Variants in RGPD3 observed in about 807,000 individuals in gnomAD.
RGPD3 encodes RANBP2 like and GRIP domain containing 3.
In RGPD3, 62 loss-of-function variants were observed where a neutral mutation model predicts 154.5. That is an observed-to-expected ratio of 0.40 (90% CI 0.33 to 0.50). The LOEUF is 0.50. Ranked by LOEUF, RGPD3 falls within the 20% of genes least tolerant of loss-of-function variation. RGPD3 has a pLI of 0.59. For synonymous variants in RGPD3, 308 were observed against 607.0 expected, an observed-to-expected ratio of 0.51 and a Z score of 7.24; for missense variants, 919 against 1,716.8, an observed-to-expected ratio of 0.54 and a Z score of 8.21.
At chr2:106,470,199 C>T (rs979189596), upstream of RGPD3, among the ~76,000 whole-genome samples, 5 of 152,214 alleles carry the variant, frequency 3.3e-5, no homozygotes, top group African/African-American at 9.7e-5. Flanking sequence ...CCTGCCTCAC[C>T]CTACAGACTA....
At chr2:106,420,819 G>C (rs1375182919) in intron 20 of RGPD3, among the ~76,000 whole-genome samples, 1 of 152,232 alleles carries the variant, frequency 6.6e-6, no homozygotes, top group African/African-American at 2.4e-5. Flanking sequence ...TTGTCACCCA[G>C]AGCTGGAGTG....
intron 20 of RGPD3, among the ~76,000 whole-genome samples, chr2:106,422,808 T>C (rs1317508435): frequency 6.6e-6 from 1 of 151,676 alleles, no homozygotes; most frequent in Non-Finnish European, 1.5e-5. Context: ...TCTTTTGCTC[T>C]GCCCTAGCAT....
At chr2:106,434,100 T>C (rs535987002) in intron 15 of RGPD3, 128 bp downstream of exon 15, 721 of 1,511,960 alleles carry the variant, frequency 4.8e-4, no homozygotes, top group Non-Finnish European at 3.3e-4. Flanking sequence ...GACACACACA[T>C]CCCTTCTGTG....
chr2:106,446,380 A>C (rs1677932087), intron 7 of RGPD3, among the ~76,000 whole-genome samples: 1 of 152,252 alleles, frequency 6.6e-6, no homozygotes. Context: ...ATCCTGGCTA[A>C]CATGGTGAAA....
At chr2:106,466,426 C>G in intron 1 of RGPD3, among the ~76,000 whole-genome samples, 1 of 134,530 alleles carries the variant, frequency 7.4e-6, no homozygotes, top group Non-Finnish European at 1.6e-5. Context: ...CCGTCGGGAG[C>G]CATGACGCCT....
chr2:106,412,867 A>C (rs1385660040), intron 22 of RGPD3: 1 of 608,112 alleles, frequency 1.6e-6, no homozygotes, highest in African/African-American at 1.9e-5. Flanking sequence ...CTAAGCACTT[A>C]TTGTATTTTG....
chr2:106,436,250 A>T lies in RGPD3; in HGVS notation c.1635-4T>A, dbSNP rs750846982. On this transcript the variant is annotated splice_region_variant and splice_polypyrimidine_tract_variant and intron_variant, in intron 11 of 22. Coordinates refer to ENST00000409886, the MANE Select transcript of RGPD3 (RefSeq NM_001144013.2). ...CAATTTTGCTGAGTTTCCAGGTCTA[A>T]AAAATAGTTCAATTTACTAAAATTG... 1 of 1,611,928 alleles carries T rather than the reference A, an allele frequency of 6.2e-7. No individual in the cohort carries two copies. The highest frequency in any genetic ancestry group is 2.2e-5 in the East Asian group (1 of 44,862).
At chr2:106,459,355 T>C (rs758676167) in intron 1 of RGPD3, 23 bp from the exon 2 acceptor site, 187 of 1,531,024 alleles carry the variant, frequency 1.2e-4, no homozygotes, top group Non-Finnish European at 1.6e-4. Flanking sequence ...AAAAGTTGTT[T>C]TACGTTTCAT....
Position 106,405,038 on chromosome 2 carries a change from G to A in RGPD3, c.*181C>T. ...TTTAAAATACATCTGTCATATAGAT[G>A]TACAAATATATGTAAATGCAAACAT... On this transcript the variant is annotated 3_prime_UTR_variant, in exon 23 of 23. Coordinates refer to ENST00000409886, the MANE Select transcript of RGPD3 (RefSeq NM_001144013.2). 1.4e-6 allele frequency: 1 copy of A among 714,038 alleles called. No homozygotes were observed. Among genetic ancestry groups the A allele is most frequent in the Non-Finnish European group, 2.3e-6 (1 of 428,130 alleles). The allele number at this position is 714,038 out of a possible 1,614,324, so 44.2% of individuals were successfully genotyped here. A position where few individuals can be genotyped will look rare whatever the true frequency, so the allele number is the denominator to read the frequency against.
chr2:106,449,435 T>C (rs1678040154), intron 6 of RGPD3, among the ~76,000 whole-genome samples: 1 of 120,422 alleles, frequency 8.3e-6, no homozygotes, highest in African/African-American at 3.4e-5. Context: ...TGTTGCACTC[T>C]AGCCTGGGCA....
chr2:106,420,669 T>G (rs1318884563), intron 20 of RGPD3, among the ~76,000 whole-genome samples: 5 of 152,308 alleles, frequency 3.3e-5, no homozygotes, highest in African/African-American at 1.2e-4. Context: ...AATGATATTC[T>G]GGACATAATG....
chr2:106,441,257 T>C (rs1364116730), intron 8 of RGPD3, 36 bp downstream of exon 8: 2 of 1,537,282 alleles, frequency 1.3e-6, no homozygotes, highest in Non-Finnish European at 1.8e-6. Context: ...AATTCCTTTT[T>C]CTTTTTAAAT....
intron 9 of RGPD3, among the ~76,000 whole-genome samples, chr2:106,438,352 G>A (rs1433971937): frequency 6.7e-6 from 1 of 150,048 alleles, no homozygotes; most frequent in Admixed American, 6.6e-5. Context: ...TCTGGGCCGA[G>A]TGGCATGTGC....
chr2:106,441,886 A>C (rs1238833346), intron 7 of RGPD3, among the ~76,000 whole-genome samples: 1 of 147,332 alleles, frequency 6.8e-6, no homozygotes, highest in Non-Finnish European at 1.5e-5. Flanking sequence ...AAAAAAAAAA[A>C]AAAAAAAAGA....
chr2:106,430,045 G>A lies in RGPD3; in HGVS notation c.2470-264C>T, dbSNP rs1417177118. ...ATTACAGGTGTCAGCCAGCACGCCC[G>A]GCTAATTTTTTGTATAATAGTAGAG... On this transcript the variant is annotated intron_variant, in intron 17 of 22. Coordinates refer to ENST00000409886, the MANE Select transcript of RGPD3 (RefSeq NM_001144013.2). Among the ~76,000 whole-genome samples the A allele has an allele frequency of 5.3e-5, 8 of 150,880 alleles. No homozygotes were observed. In the East Asian group the frequency reaches 7.9e-4, roughly 15 times the overall value.
rs755493841 is a variant in RGPD3 at position 106,434,257 on chromosome 2, T to C, written c.2176A>G (p.Ser726Gly). Residue 726 changes from serine (S) to glycine (G), a missense_variant, in exon 15 of 23, where the codon AGT becomes GGT. By Grantham distance (56) the Ser-to-Gly change is moderately conservative. Transcript: ENST00000409886. The part of the protein sequence containing the change: ...RGYLIKILDD[S>G]DSNLSVVKKL... ...TTGACCACTGAAAGATTTGAATCAC[T>C]GTCATCTAAAATCTTTATTAGGTAG... The C allele has an allele frequency of 5.0e-6, 8 of 1,597,224 alleles. No individual in the cohort carries two copies. The highest frequency in any genetic ancestry group is 6.8e-6 in the Non-Finnish European group (8 of 1,172,428).
chr2:106,469,831 C>T (rs1013480464), upstream of RGPD3, among the ~76,000 whole-genome samples: 4 of 152,212 alleles, frequency 2.6e-5, no homozygotes, highest in Non-Finnish European at 4.4e-5. Flanking sequence ...CACTTGGAGG[C>T]TAACTGGTCT....
At chr2:106,413,552 A>G (rs1335306854) in intron 21 of RGPD3, among the ~76,000 whole-genome samples, 1 of 152,350 alleles carries the variant, frequency 6.6e-6, no homozygotes, top group Non-Finnish European at 1.5e-5. Context: ...TAGAAAGTGG[A>G]TTGCTGCATA....
At chr2:106,421,426 T>C (rs1676982769) in intron 20 of RGPD3, among the ~76,000 whole-genome samples, 1 of 151,962 alleles carries the variant, frequency 6.6e-6, no homozygotes. Context: ...CTACCTTAGC[T>C]GGTAATAAAA....
Sources: gnomAD v4.1 joint callset for allele counts (sites outside exome capture counted in the v4.1 genomes callset) on GRCh38, gnomAD v4.1.1 for gene constraint, MANE v1.5 for transcripts, NCBI Gene and HGNC (gene_info 2026-07-23, HGNC 2026-07-21) for gene names.